The following ALMS1 variants were observed in gnomAD, a reference collection of about 807,000 sequenced individuals.
ALMS1 encodes the protein ALMS1 centrosome and basal body associated protein.
In ALMS1, 271 loss-of-function variants were observed where a neutral mutation model predicts 352.2. The observed-to-expected ratio is 0.77, with a 90% CI of 0.70 to 0.85. The LOEUF is 0.85. ALMS1 is among the 40% of genes least tolerant of loss of function. The probability of loss-of-function intolerance (pLI) is 0.00; values close to 1 mark genes in which losing one functional copy is unlikely to be tolerated. For synonymous variants in ALMS1, 1,865 were observed against 1,761.2 expected, an observed-to-expected ratio of 1.06 and a Z score of -1.48; for missense variants, 5,445 against 4,870.7, an observed-to-expected ratio of 1.12 and a Z score of -3.51.
chr2:73,573,053 G>C lies in ALMS1; in HGVS notation c.11176G>C (p.Gly3726Arg). Reference sequence around the variant, plus strand: ...TAAATATATTCTGAGTAAACAGCCAGGTTTTAATTATATAAGCAACACTTC... The same window carrying C: ...TAAATATATTCTGAGTAAACAGCCACGTTTTAATTATATAAGCAACACTTC... ...FDKYILSKQP[G>R]FNYISNTSSD... Residue 3726 changes from glycine to arginine, a missense_variant, in exon 16 of 23, where the codon GGT becomes CGT. Transcript: ENST00000613296. The C allele has an allele frequency of 1.2e-6, 2 of 1,614,056 alleles. No individual in the cohort carries two copies. Among genetic ancestry groups the C allele is most frequent in the Non-Finnish European group, 1.7e-6 (2 of 1,179,980 alleles).
Position 73,491,139 on chromosome 2 carries a change from T to C in ALMS1, c.9180T>C (p.Asp3060=), listed in dbSNP as rs1572970568. The C allele has an allele frequency of 6.2e-7, 1 of 1,614,198 alleles. No homozygotes were observed. The highest frequency in any genetic ancestry group is 2.2e-5 in the East Asian group (1 of 44,882). Residue 3060 remains aspartate (D), a synonymous_variant, in exon 10 of 23, where the codon GAT becomes GAC. Transcript: ENST00000613296. ...TLCPKTSSKL[D]SGTLDERFHS... Reference sequence around the variant, plus strand: ...GTCCCAAGACTTCTTCCAAGTTGGATAGTGGAACTTTAGATGAAAGATTCC... The same window carrying C: ...GTCCCAAGACTTCTTCCAAGTTGGACAGTGGAACTTTAGATGAAAGATTCC...
At chr2:73,425,364 TA>T in intron 5 of ALMS1, among the ~76,000 whole-genome samples, 1 of 152,252 alleles carries the variant, frequency 6.6e-6, no homozygotes, top group African/African-American at 2.4e-5. Flanking sequence ...AGAAATACAG[TA>T]TATTAGGAAT....
chr2:73,393,672 C>T (rs1441009467), intron 1 of ALMS1, among the ~76,000 whole-genome samples: 1 of 152,166 alleles, frequency 6.6e-6, no homozygotes, highest in African/African-American at 2.4e-5. Context: ...TTCTGCAGCA[C>T]CATTTGTTAA....
intron 15 of ALMS1, among the ~76,000 whole-genome samples, chr2:73,567,857 C>T (rs554314598): frequency 6.6e-6 from 1 of 152,096 alleles, no homozygotes; most frequent in Non-Finnish European, 1.5e-5. Flanking sequence ...ATCTTGGAGT[C>T]ATAAAGCCAA....
chr2:73,475,999 T>G (rs1338525704), intron 9 of ALMS1, among the ~76,000 whole-genome samples: 1 of 152,066 alleles, frequency 6.6e-6, no homozygotes, highest in Non-Finnish European at 1.5e-5. Flanking sequence ...CTATAGCTTT[T>G]TAAATCTTGT....
intron 12 of ALMS1, among the ~76,000 whole-genome samples, chr2:73,535,409 AATG>A (rs1183909948): frequency 6.6e-6 from 1 of 152,218 alleles, no homozygotes; most frequent in Non-Finnish European, 1.5e-5. Flanking sequence ...CATAAATAAC[AATG>A]ATGACTTACT....
Position 73,519,992 on chromosome 2 carries a change from G to A in ALMS1, c.9757G>A (p.Val3253Ile). The change falls in exon 11 of 23, where the codon GTT (valine) becomes ATT (isoleucine). Residue 3253 changes from valine to isoleucine, a missense_variant. By Grantham distance (29) the Val-to-Ile change is conservative. Transcript: ENST00000613296. Reference protein sequence around the residue: ...KFASSSSVQQVTFSRGTDGQP... With the variant: ...KFASSSSVQQITFSRGTDGQP... The stretch of plus-strand genomic sequence containing the variant: ...TGCCTCATCATCTTCAGTCCAACAG[G>A]TTACTTTTTCTCGCGGCACAGATGG... 6.2e-7 allele frequency: 1 copy of A among 1,614,052 alleles called. No homozygotes were observed. Among genetic ancestry groups the A allele is most frequent in the Non-Finnish European group, 8.5e-7 (1 of 1,179,956 alleles).
Position 73,449,257 on chromosome 2 carries a change from C to T in ALMS1, c.2730C>T (p.His910=), listed in dbSNP as rs189923349. 703 of 1,614,006 alleles carry T rather than the reference C, an allele frequency of 4.4e-4. 3 individuals are homozygous for T. In the African/African-American group the frequency reaches 7.5e-3, roughly 17 times the overall value. ...IPSAPSSFYS[H]REKPIIFSQQ... ...CAGCACCATCTAGTTTCTACTCACA[C>T]AGAGAGAAGCCCATTATTTTTTCCC... is the stretch of plus-strand genomic sequence containing the variant. The change falls in exon 8 of 23, where the codon CAC becomes CAT. Residue 910 remains histidine (H), a synonymous_variant. Coordinates refer to ENST00000613296, the MANE Select transcript of ALMS1 (RefSeq NM_001378454.1).
intron 7 of ALMS1, among the ~76,000 whole-genome samples, chr2:73,438,631 C>T (rs909580328): frequency 2.0e-5 from 3 of 151,948 alleles, no homozygotes; most frequent in African/African-American, 4.8e-5. Flanking sequence ...AAAATTATGC[C>T]GTAAGAGTAG....
chr2:73,515,348 G>T (rs779451396), intron 10 of ALMS1, among the ~76,000 whole-genome samples: 1 of 151,592 alleles, frequency 6.6e-6, no homozygotes, highest in Non-Finnish European at 1.5e-5. Context: ...TAACCATTTT[G>T]AAGTCTTTTT....
chr2:73,494,335 A>G (rs184051824), intron 10 of ALMS1, among the ~76,000 whole-genome samples: 77 of 152,348 alleles, frequency 5.1e-4, no homozygotes, highest in Non-Finnish European at 9.4e-4. Context: ...GGGATATGTT[A>G]GAGGTTGTCC....
At chr2:73,480,101 G>T (rs915744911) in intron 9 of ALMS1, among the ~76,000 whole-genome samples, 6 of 150,278 alleles carry the variant, frequency 4.0e-5, no homozygotes, top group Non-Finnish European at 7.4e-5. Context: ...TATACTTTAA[G>T]TTTTAGGGTA....
intron 1 of ALMS1, among the ~76,000 whole-genome samples, chr2:73,397,909 T>C (rs573703602): frequency 1.3e-5 from 2 of 152,366 alleles, no homozygotes; most frequent in East Asian, 3.9e-4. Context: ...GCAAATATTT[T>C]CTTCCAGTCT....
At chr2:73,419,802 G>A (rs1446925252) in intron 3 of ALMS1, among the ~76,000 whole-genome samples, 1 of 152,162 alleles carries the variant, frequency 6.6e-6, no homozygotes, top group African/African-American at 2.4e-5. Flanking sequence ...AGATCTTGCT[G>A]CTTTCCTCTG....
chr2:73,591,928 T>C (rs1457696422), intron 16 of ALMS1, among the ~76,000 whole-genome samples: 1 of 152,242 alleles, frequency 6.6e-6, no homozygotes, highest in Non-Finnish European at 1.5e-5. Context: ...TTGAGTGTTT[T>C]AGCTCTTGAT....
chr2:73,392,950 A>G (rs1670680808), intron 1 of ALMS1, among the ~76,000 whole-genome samples: 2 of 152,144 alleles, frequency 1.3e-5, no homozygotes, highest in Non-Finnish European at 2.9e-5. Context: ...TCCTATTAGC[A>G]GTGTATGAGA....
chr2:73,526,506 C>T (rs998089573), intron 11 of ALMS1, among the ~76,000 whole-genome samples: 4 of 152,082 alleles, frequency 2.6e-5, no homozygotes, highest in Non-Finnish European at 4.4e-5. Flanking sequence ...AGATCTTTCA[C>T]TTCTTTGGTT....
chr2:73,520,178 A>T (rs1462159634), intron 11 of ALMS1, among the ~76,000 whole-genome samples, 162 bp downstream of exon 11: 1 of 152,216 alleles, frequency 6.6e-6, no homozygotes, highest in Admixed American at 6.5e-5. Context: ...CTGTCAACAG[A>T]ATATGATTTA....
In ALMS1 at chr2:73,433,784, C is replaced by T. The variant is rs370808359; in HGVS notation, c.1432+1493C>T. On this transcript the variant is annotated intron_variant, in intron 7 of 22. Transcript: ENST00000613296. ...AGTTTTTAAATTGCTAATTTCATCT[C>T]TTTCCTTGCCATAAGTCTATTTAGA... Among the ~76,000 whole-genome samples, 20 of 152,294 alleles carry T rather than the reference C, an allele frequency of 1.3e-4. No individual in the cohort carries two copies. The South Asian group carries it at 4.1e-3, about 32-fold the overall frequency.
Sources: allele counts gnomAD v4.1 joint callset (sites outside exome capture counted in the v4.1 genomes callset), GRCh38; gene constraint gnomAD v4.1.1; transcripts MANE v1.5; gene names NCBI Gene and HGNC (gene_info 2026-07-23, HGNC 2026-07-21).